SEMA4D: variants seen among roughly 807,000 people sequenced by gnomAD.
SEMA4D encodes semaphorin-4D.
SEMA4D carries 22 observed loss-of-function variants against 74.8 expected under a neutral mutation model. The observed-to-expected ratio is 0.29, with a 90% CI of 0.21 to 0.42. The LOEUF (loss-of-function observed/expected upper bound fraction) is 0.42. SEMA4D is among the 10% of genes least tolerant of loss of function. SEMA4D has a pLI of 1.00. For synonymous variants in SEMA4D, 445 were observed against 463.7 expected, an observed-to-expected ratio of 0.96 and a Z score of 0.52; for missense variants, 937 against 1,118.4, an observed-to-expected ratio of 0.84 and a Z score of 2.31.
At chr9:89,408,723 T>G (rs948320391) in intron 2 of SEMA4D, among the ~76,000 whole-genome samples, 3 of 152,180 alleles carry the variant, frequency 2.0e-5, no homozygotes, top group Non-Finnish European at 2.9e-5. Context: ...GTTCTTGTCA[T>G]GCATGCAGCA....
intron 2 of SEMA4D, among the ~76,000 whole-genome samples, chr9:89,409,480 T>C (rs1039852183): frequency 1.3e-5 from 2 of 152,044 alleles, no homozygotes; most frequent in Non-Finnish European, 2.9e-5. Flanking sequence ...ATTCTGAAAA[T>C]GAGGGGGCTG....
At chr9:89,435,730 G>A (rs1256846997) in intron 2 of SEMA4D, among the ~76,000 whole-genome samples, 5 of 152,262 alleles carry the variant, frequency 3.3e-5, no homozygotes, top group South Asian at 4.1e-4. Flanking sequence ...ACCCGGCCCC[G>A]ACCAGCCTGC....
At chr9:89,486,148 A>G (rs993519937) in intron 1 of SEMA4D, among the ~76,000 whole-genome samples, 10 of 152,348 alleles carry the variant, frequency 6.6e-5, no homozygotes, top group African/African-American at 2.2e-4. Context: ...CTGAAATGCC[A>G]GAGTTACTCC....
At chr9:89,479,766 G>GAA in intron 1 of SEMA4D, 1 of 165,552 alleles carries the variant, frequency 6.0e-6, no homozygotes, top group South Asian at 1.5e-4. Context: ...GCTCAGGAGT[G>GAA]AAGCTGCAGA....
intron 13 of SEMA4D, among the ~76,000 whole-genome samples, chr9:89,382,652 G>A (rs1837398249): frequency 6.6e-6 from 1 of 152,280 alleles, no homozygotes; most frequent in South Asian, 2.1e-4. Context: ...AAGGATTGAG[G>A]ATGACATCCC....
At position 89,447,518 on chromosome 9, in the gene SEMA4D, C is replaced by G. The variant is rs548894504; in HGVS notation, c.-244+8370G>C. Among the ~76,000 whole-genome samples, 396 of 152,236 alleles carry G rather than the reference C, an allele frequency of 2.6e-3. 2 individuals are homozygous for G. Among genetic ancestry groups the G allele is most frequent in the African/African-American group, 9.1e-3 (377 of 41,516 alleles). ...GTGCTCCCCGACCCCCACCATGACC[C>G]ACCCCAGATCCAAGCTGGCAGCAAG... On this transcript the variant is annotated intron_variant, in intron 2 of 15. Coordinates refer to ENST00000422704, the MANE Select transcript of SEMA4D (RefSeq NM_001371194.2).
At chr9:89,362,573 G>A in intron 18 of SEMA4D, 8 of 1,426,768 alleles carry the variant, frequency 5.6e-6, no homozygotes, top group Non-Finnish European at 7.8e-6. Context: ...GGAGTCTAAA[G>A]ATCCAAATGC....
chr9:89,494,096 C>G (rs1374858610), intron 1 of SEMA4D, among the ~76,000 whole-genome samples: 2 of 152,202 alleles, frequency 1.3e-5, no homozygotes, highest in African/African-American at 4.8e-5. Context: ...GCCAATTCAT[C>G]TGTTATTAAG....
chr9:89,493,881 G>A (rs1037001429), intron 1 of SEMA4D, among the ~76,000 whole-genome samples: 1 of 152,214 alleles, frequency 6.6e-6, no homozygotes, highest in Admixed American at 6.5e-5. Context: ...TCTGGCGCAG[G>A]CTCCAGACCA....
chr9:89,371,885 T>G (rs1465028146), intron 16 of SEMA4D, among the ~76,000 whole-genome samples: 1 of 24,588 alleles, frequency 4.1e-5, no homozygotes, highest in Non-Finnish European at 7.6e-5. Context: ...GTGATGTGTG[T>G]GGTGTCTGGG....
intron 2 of SEMA4D, among the ~76,000 whole-genome samples, chr9:89,435,678 G>A (rs964640064): frequency 2.0e-5 from 3 of 152,128 alleles, no homozygotes; most frequent in South Asian, 4.2e-4. Flanking sequence ...CCACACCCAC[G>A]GCTTTATGCA....
intron 2 of SEMA4D, among the ~76,000 whole-genome samples, chr9:89,441,075 T>TC (rs1426147526): frequency 6.6e-6 from 1 of 152,236 alleles, no homozygotes; most frequent in East Asian, 1.9e-4. Context: ...GGCAAGCTGC[T>TC]CCCTCAGCAA....
chr9:89,375,272 C>T (rs575882643), downstream of SEMA4D, among the ~76,000 whole-genome samples: 3 of 152,308 alleles, frequency 2.0e-5, no homozygotes, highest in African/African-American at 7.2e-5. Flanking sequence ...ATGCCTGCAC[C>T]AAGGCAAACT....
intron 15 of SEMA4D, 22 bp from the exon 16 acceptor site, chr9:89,379,651 G>A (rs1001896722): frequency 1.3e-6 from 2 of 1,587,394 alleles, no homozygotes; most frequent in Non-Finnish European, 1.7e-6. Flanking sequence ...AAATAAACGT[G>A]CACAGCGTCA....
intron 16 of SEMA4D, among the ~76,000 whole-genome samples, chr9:89,370,739 G>GTA: frequency 6.9e-6 from 1 of 145,408 alleles, no homozygotes; most frequent in Non-Finnish European, 1.5e-5. Flanking sequence ...GGTGTGGTGT[G>GTA]TGTGTGGGGT....
intron 13 of SEMA4D, chr9:89,385,161 C>T (rs944333201): frequency 1.7e-4 from 149 of 880,930 alleles, no homozygotes; most frequent in East Asian, 2.4e-4. Flanking sequence ...CCCCTCTGTG[C>T]GGCCCTCCTC....
At chr9:89,426,657 G>A (rs1415321427) in intron 2 of SEMA4D, among the ~76,000 whole-genome samples, 6 of 152,168 alleles carry the variant, frequency 3.9e-5, no homozygotes, top group Admixed American at 3.3e-4. Context: ...GTCGTGCGCA[G>A]ACACCAGGTG....
intron 2 of SEMA4D, among the ~76,000 whole-genome samples, chr9:89,430,748 G>A (rs981992326): frequency 2.0e-5 from 3 of 152,182 alleles, no homozygotes; most frequent in South Asian, 2.1e-4. Context: ...AGGCCAAGGC[G>A]GGCAGATCAC....
rs1314698559 is a variant in SEMA4D, at chr9:89,405,369, T to C, written c.88A>G (p.Ile30Val). Reference sequence around the variant, plus strand: ...CACTCACCTCTGTGCTCCCAGGTGATCCGGGGTATGGGTGCAAATGCCATC... The same window carrying C: ...CACTCACCTCTGTGCTCCCAGGTGACCCGGGGTATGGGTGCAAATGCCATC... ...TAMAFAPIPR[I>V]TWEHREVHLV... Residue 30 changes from isoleucine to valine, a missense_variant, in exon 3 of 16, where the codon ATC becomes GTC. Physicochemically the swap from Ile to Val is conservative, Grantham distance 29 (BLOSUM62 3). Coordinates refer to ENST00000422704, the MANE Select transcript of SEMA4D (RefSeq NM_001371194.2). 6 of 1,613,992 alleles carry C rather than the reference T, an allele frequency of 3.7e-6. No individual in the cohort carries two copies. Among genetic ancestry groups the C allele is most frequent in the Non-Finnish European group, 4.2e-6 (5 of 1,179,858 alleles).
Sources: gnomAD v4.1 joint callset for allele counts (sites outside exome capture counted in the v4.1 genomes callset) on GRCh38, gnomAD v4.1.1 for gene constraint, MANE v1.5 for transcripts, NCBI Gene and HGNC (gene_info 2026-07-23, HGNC 2026-07-21) for gene names.